Variants in PTGER3 observed in about 807,000 individuals in gnomAD.
PTGER3 encodes prostaglandin E receptor 3, also known as prostaglandin E2 receptor EP3 subtype.
In PTGER3, 22 loss-of-function variants were observed where a neutral mutation model predicts 34.7. That is an observed-to-expected ratio of 0.63 (90% CI 0.45 to 0.91). PTGER3 has a LOEUF of 0.91. PTGER3 is among the 40% of genes least tolerant of loss of function. The pLI, the probability that PTGER3 is intolerant of heterozygous loss-of-function variation, is 0.00. For missense variants in PTGER3, 468 were observed against 519.4 expected (o/e 0.90, Z 0.96); for synonymous variants, 241 against 230.1 (o/e 1.05, Z -0.43).
intron 4 of PTGER3, among the ~76,000 whole-genome samples, chr1:70,856,270 A>G (rs1645801386): frequency 1.3e-5 from 2 of 151,972 alleles, no homozygotes; most frequent in Non-Finnish European, 2.9e-5. Context: ...ATTATTGAAG[A>G]CATAAAAAAG....
At chr1:70,939,512 C>T (rs962120790) in intron 4 of PTGER3, among the ~76,000 whole-genome samples, 1 of 152,222 alleles carries the variant, frequency 6.6e-6, no homozygotes, top group Admixed American at 6.5e-5. Context: ...TAGAGGTTCT[C>T]CATCAGGGCT....
intron 2 of PTGER3, among the ~76,000 whole-genome samples, chr1:71,001,595 G>T (rs904378975): frequency 1.3e-5 from 2 of 152,142 alleles, no homozygotes; most frequent in Non-Finnish European, 2.9e-5. Context: ...TGTTTTCCAG[G>T]ACTCAGAAGA....
At chr1:71,035,261 T>C (rs1039965246) in intron 1 of PTGER3, among the ~76,000 whole-genome samples, 1 of 152,140 alleles carries the variant, frequency 6.6e-6, no homozygotes, top group African/African-American at 2.4e-5. Context: ...GAAATACAAA[T>C]TCTCATTCCT....
intron 2 of PTGER3, chr1:71,010,821 ACATAGG>A (rs1239503612): frequency 2.0e-6 from 2 of 985,012 alleles, no homozygotes; most frequent in Non-Finnish European, 2.4e-6. Flanking sequence ...GCCCCAATTG[ACATAGG>A]CTGGTGTATA....
rs529860827 is a variant in PTGER3, at chr1:71,047,066, G to C, written c.512C>G (p.Thr171Arg). Residue 171 changes from threonine to arginine, a missense_variant, in exon 1 of 4, where the codon ACG (threonine) becomes AGG (arginine). Transcript: ENST00000306666. ...GAGCAGCACAGCGCGGGTGGCACGC[G>C]TCTTCATGTGGCTCGCATACCAGTG... Reference protein sequence around the residue: ...APHWYASHMKTRATRAVLLGV... With the variant: ...APHWYASHMKRRATRAVLLGV... 1 of 1,611,756 alleles carries C rather than the reference G, an allele frequency of 6.2e-7. No homozygotes were observed. Among genetic ancestry groups the C allele is most frequent in the East Asian group, 2.2e-5 (1 of 44,846 alleles).
At chr1:71,038,404 C>G (rs1660013024) in intron 1 of PTGER3, among the ~76,000 whole-genome samples, 1 of 152,106 alleles carries the variant, frequency 6.6e-6, no homozygotes, top group African/African-American at 2.4e-5. Flanking sequence ...GTAATGGTAT[C>G]TGGTGGAGAA....
At chr1:70,959,937 A>T (rs374244659) in intron 2 of PTGER3, among the ~76,000 whole-genome samples, 21 of 152,268 alleles carry the variant, frequency 1.4e-4, no homozygotes, top group African/African-American at 4.8e-4. Flanking sequence ...CATTGTAGAT[A>T]GAATTAGTTA....
At chr1:70,942,286 T>C (rs1649831348) in intron 4 of PTGER3, among the ~76,000 whole-genome samples, 2 of 152,306 alleles carry the variant, frequency 1.3e-5, no homozygotes, top group South Asian at 4.1e-4. Flanking sequence ...GGTGGACCTG[T>C]AGCACCAACC....
At chr1:70,949,218 A>T (rs1050527645), downstream of PTGER3, among the ~76,000 whole-genome samples, 1 of 152,198 alleles carries the variant, frequency 6.6e-6, no homozygotes, top group East Asian at 1.9e-4. Context: ...TCCTCCCTTA[A>T]GAAGTTTAGT....
In PTGER3 at chr1:70,893,744, C is replaced by T. The variant is rs545032569; in HGVS notation, c.*24-40885G>A. Among the ~76,000 whole-genome samples the T allele has an allele frequency of 2.0e-5, 3 of 152,278 alleles. No individual in the cohort carries two copies. In the East Asian group the frequency reaches 5.8e-4, roughly 29 times the overall value. On this transcript the variant is annotated intron_variant, in intron 4 of 4. Coordinates refer to the PTGER3 transcript ENST00000370931. Reference sequence around the variant, plus strand: ...CAGGAAAAAATTCCTTTGAAAACTACTGCCAAGATGAACGTATGCAAATGT... The same window carrying T: ...CAGGAAAAAATTCCTTTGAAAACTATTGCCAAGATGAACGTATGCAAATGT...
chr1:70,949,461 T>C (rs1650535181), downstream of PTGER3, among the ~76,000 whole-genome samples: 1 of 152,130 alleles, frequency 6.6e-6, no homozygotes, highest in Non-Finnish European at 1.5e-5. Flanking sequence ...AAGTTTAGCC[T>C]TGGAGTCAAG....
chr1:70,973,304 A>G (rs1476146665), intron 3 of PTGER3, among the ~76,000 whole-genome samples: 1 of 152,132 alleles, frequency 6.6e-6, no homozygotes, highest in Non-Finnish European at 1.5e-5. Flanking sequence ...GGGGAAGGAT[A>G]TAGGATTATA....
At chr1:70,969,700 C>T (rs1296141394), downstream of PTGER3, among the ~76,000 whole-genome samples, 7 of 152,172 alleles carry the variant, frequency 4.6e-5, 1 homozygote, top group East Asian at 9.7e-4. Flanking sequence ...CAAAAATTAT[C>T]GTGAGGTCTT....
chr1:70,889,692 A>AT (rs1646575196), intron 4 of PTGER3, among the ~76,000 whole-genome samples: 1 of 152,164 alleles, frequency 6.6e-6, no homozygotes, highest in African/African-American at 2.4e-5. Flanking sequence ...AATTCTTTTC[A>AT]TATGGCTTAT....
Position 71,037,674 on chromosome 1 carries a change from A to G in PTGER3, c.897+9007T>C, listed in dbSNP as rs191749799. On this transcript the variant is annotated intron_variant, in intron 1 of 3. Coordinates refer to ENST00000306666, the MANE Select transcript of PTGER3 (RefSeq NM_198719.2). ...AGAGCTACAGGAAGTGAGAACTGAA[A>G]GGAGGATTAGAGTCGTTAATCGTTT... is the stretch of plus-strand genomic sequence containing the variant. Among the ~76,000 whole-genome samples, 199 of 152,350 alleles carry G rather than the reference A, an allele frequency of 1.3e-3. No individual in the cohort carries two copies. The Middle Eastern group carries it at 0.014, about 10-fold the overall frequency.
rs114527033 is a variant in PTGER3, at chr1:70,859,170, A to G, written c.*24-6311T>C. 2.8e-3 allele frequency among the ~76,000 whole-genome samples: 422 copies of G among 152,328 alleles called. 3 individuals carry two copies. Among genetic ancestry groups the G allele is most frequent in the African/African-American group, 9.8e-3 (407 of 41,576 alleles). ...CCCACTGTGAGATGCTCCTATTCTC[A>G]TGCTGAATTTCATCCTCTTGCTCAT... On this transcript the variant is annotated intron_variant, in intron 4 of 4. Transcript: ENST00000370931.
At position 70,974,302 on chromosome 1, in the gene PTGER3, C is replaced by A; in HGVS notation, c.1164G>T (p.Leu388Phe). ...CSSTLMWSDH[L>F]ER is the part of the protein sequence containing the mutation. Reference sequence around the variant, plus strand: ...CGGCAGTTTCTAAATCTCACCTTTCCAAATGGTCGCTCCACATCAAGGTTG... The same window carrying A: ...CGGCAGTTTCTAAATCTCACCTTTCAAAATGGTCGCTCCACATCAAGGTTG... Residue 388 changes from leucine to phenylalanine, a missense_variant, in exon 3 of 4, where the codon TTG (leucine) becomes TTT (phenylalanine). Leu to Phe is a conservative substitution (Grantham distance 22). Around this residue, in one of 5 missense-constraint regions of PTGER3, gnomAD observed 57 missense variants for 43.8 expected, o/e 1.30. Coordinates refer to ENST00000306666, the MANE Select transcript of PTGER3 (RefSeq NM_198719.2). 1 of 1,604,152 alleles carries A rather than the reference C, an allele frequency of 6.2e-7. No homozygotes were observed. The highest frequency in any genetic ancestry group is 8.5e-7 in the Non-Finnish European group (1 of 1,171,296).
chr1:70,957,835 T>G (rs2100613789), intron 2 of PTGER3, among the ~76,000 whole-genome samples: 1 of 152,308 alleles, frequency 6.6e-6, no homozygotes, highest in Admixed American at 6.5e-5. Context: ...TGACCAACCT[T>G]TTGTTGTCCC....
chr1:71,037,865 G>A (rs940308992), intron 1 of PTGER3, among the ~76,000 whole-genome samples: 5 of 152,202 alleles, frequency 3.3e-5, no homozygotes, highest in African/African-American at 1.2e-4. Context: ...GAAGCAGAGA[G>A]GAGTCCTCAC....
Sources: allele counts gnomAD v4.1 joint callset (sites outside exome capture counted in the v4.1 genomes callset), GRCh38; gene constraint gnomAD v4.1.1; regional missense constraint gnomAD v4.1.1; transcripts MANE v1.5; gene names NCBI Gene and HGNC (gene_info 2026-07-23, HGNC 2026-07-21).